Variants in ZNF385B observed in about 807,000 individuals in gnomAD.
ZNF385B encodes zinc finger protein 385B, also known as zinc finger protein 533.
A neutral mutation model predicts 39.2 loss-of-function variants in ZNF385B; 23 were observed. That is an observed-to-expected ratio of 0.59 (90% CI 0.42 to 0.83). The LOEUF (loss-of-function observed/expected upper bound fraction) is 0.83, where lower values mean the gene tolerates loss of function less well. Among genes scored for constraint, ZNF385B ranks in the 40% least tolerant of loss-of-function variants. ZNF385B has a pLI of 0.00. For missense variants in ZNF385B, 552 were observed against 598.9 expected (o/e 0.92, Z 0.82); for synonymous variants, 205 against 222.6 (o/e 0.92, Z 0.70).
chr2:179,454,712 T>A (rs1479447212), intron 6 of ZNF385B, among the ~76,000 whole-genome samples: 1 of 152,094 alleles, frequency 6.6e-6, no homozygotes, highest in Non-Finnish European at 1.5e-5. Context: ...GGTGTTTGTG[T>A]CATAGTCTTT....
intron 5 of ZNF385B, among the ~76,000 whole-genome samples, chr2:179,508,296 T>C (rs963997007): frequency 1.3e-5 from 2 of 152,232 alleles, no homozygotes; most frequent in Non-Finnish European, 2.9e-5. Context: ...GTTAATTGTA[T>C]GTTGAATAAA....
intron 1 of ZNF385B, among the ~76,000 whole-genome samples, chr2:179,805,147 C>T (rs1375185032): frequency 1.3e-5 from 2 of 152,004 alleles, no homozygotes; most frequent in African/African-American, 4.8e-5. Context: ...TCTTGGAACC[C>T]GGCCACTGTA....
At chr2:179,526,316 G>A (rs1310004770) in intron 4 of ZNF385B, among the ~76,000 whole-genome samples, 2 of 151,996 alleles carry the variant, frequency 1.3e-5, no homozygotes, top group Non-Finnish European at 2.9e-5. Flanking sequence ...ATGGCCAGGC[G>A]CGGTGGCTCA....
chr2:179,468,091 C>T (rs1395366975), intron 6 of ZNF385B, among the ~76,000 whole-genome samples: 1 of 152,168 alleles, frequency 6.6e-6, no homozygotes, highest in Non-Finnish European at 1.5e-5. Context: ...ATGACAACTA[C>T]CCTGTTGTAC....
chr2:179,814,679 G>A (rs1706951869), intron 1 of ZNF385B: 4 of 338,710 alleles, frequency 1.2e-5, no homozygotes, highest in South Asian at 6.0e-5. Context: ...ATACTGAAGC[G>A]CCCTCAGGCT....
At chr2:179,846,335 T>C (rs1308538117) in intron 1 of ZNF385B, among the ~76,000 whole-genome samples, 2 of 152,210 alleles carry the variant, frequency 1.3e-5, no homozygotes, top group Non-Finnish European at 2.9e-5. Context: ...TAATCAGATA[T>C]GTTGCTGGCT....
intron 3 of ZNF385B, among the ~76,000 whole-genome samples, chr2:179,614,665 G>T (rs1261631428): frequency 6.6e-6 from 1 of 152,152 alleles, no homozygotes; most frequent in Admixed American, 6.5e-5. Flanking sequence ...CAGTACTGAG[G>T]TATCTAGTTC....
chr2:179,527,960 A>C (rs2059014679), intron 4 of ZNF385B, among the ~76,000 whole-genome samples: 1 of 150,774 alleles, frequency 6.6e-6, no homozygotes. Flanking sequence ...AAATAGAAGA[A>C]TGGGAAAGAA....
chr2:179,454,696 A>G (rs2050499695), intron 6 of ZNF385B, among the ~76,000 whole-genome samples: 1 of 152,150 alleles, frequency 6.6e-6, no homozygotes, highest in South Asian at 2.1e-4. Flanking sequence ...GGCCTAGGCT[A>G]ATATGGGTGT....
intron 3 of ZNF385B, chr2:179,745,610 T>G (rs1176676804): frequency 6.9e-6 from 7 of 1,016,900 alleles, no homozygotes; most frequent in Non-Finnish European, 9.5e-6. Flanking sequence ...CACAATGTGA[T>G]AAACACAATT....
chr2:179,780,017 G>A (rs1704571328), intron 1 of ZNF385B, among the ~76,000 whole-genome samples: 1 of 152,024 alleles, frequency 6.6e-6, no homozygotes, highest in Admixed American at 6.6e-5. Flanking sequence ...GGTTGGAGGA[G>A]AGGGTAAGTG....
At chr2:179,699,633 A>G (rs994711100) in intron 3 of ZNF385B, among the ~76,000 whole-genome samples, 3 of 152,240 alleles carry the variant, frequency 2.0e-5, no homozygotes, top group African/African-American at 7.2e-5. Context: ...ACAGTACATG[A>G]CACCCTGATC....
intron 4 of ZNF385B, among the ~76,000 whole-genome samples, chr2:179,525,421 A>C (rs1258610915): frequency 6.6e-6 from 1 of 152,138 alleles, no homozygotes; most frequent in Non-Finnish European, 1.5e-5. Flanking sequence ...CTCTTTCCTC[A>C]TTATAACTGT....
At chr2:179,736,965 T>C (rs1701801275) in intron 3 of ZNF385B, among the ~76,000 whole-genome samples, 1 of 152,160 alleles carries the variant, frequency 6.6e-6, no homozygotes, top group African/African-American at 2.4e-5. Context: ...CGAGGCTCCG[T>C]CTCCAAACAA....
At chr2:179,632,649 A>C (rs2106194627) in intron 3 of ZNF385B, among the ~76,000 whole-genome samples, 1 of 152,336 alleles carries the variant, frequency 6.6e-6, no homozygotes, top group East Asian at 1.9e-4. Context: ...GAACTAGAGA[A>C]GCAAGAGCAA....
At chr2:179,734,284 T>G (rs1701597085) in intron 3 of ZNF385B, among the ~76,000 whole-genome samples, 1 of 152,234 alleles carries the variant, frequency 6.6e-6, no homozygotes, top group Admixed American at 6.5e-5. Context: ...CAAGTATATC[T>G]GTTAACTAAA....
chr2:179,651,490 G>T (rs1437851438), intron 3 of ZNF385B, among the ~76,000 whole-genome samples: 1 of 151,934 alleles, frequency 6.6e-6, no homozygotes, highest in Non-Finnish European at 1.5e-5. Flanking sequence ...GGAGACAAAA[G>T]AAAACACACC....
At chr2:179,497,918 T>C (rs11884249) in intron 5 of ZNF385B, among the ~76,000 whole-genome samples, 39,628 of 151,960 alleles carry the variant, frequency 0.26, 5,380 homozygotes, top group East Asian at 0.39. Context: ...AGTTGCTATA[T>C]CTTATATTAG....
At chr2:179,562,351 TAAGA>T (rs1332296104) in intron 3 of ZNF385B, 1 of 970,192 alleles carries the variant, frequency 1.0e-6, no homozygotes, top group Non-Finnish European at 1.2e-6. Context: ...ACATATTTCA[TAAGA>T]AAGTTCCTTA....
Sources: allele counts gnomAD v4.1 joint callset (sites outside exome capture counted in the v4.1 genomes callset), GRCh38; gene constraint gnomAD v4.1.1; transcripts MANE v1.5; gene names NCBI Gene and HGNC (gene_info 2026-07-23, HGNC 2026-07-21).